The following TRAF3IP3 variants were observed in gnomAD, a reference collection of about 807,000 sequenced individuals.
TRAF3IP3 encodes the protein TRAF3-interacting JNK-activating modulator.
TRAF3IP3 carries 64 observed loss-of-function variants against 86.5 expected under a neutral mutation model. The observed-to-expected ratio is 0.74, with a 90% CI of 0.60 to 0.91. The LOEUF (loss-of-function observed/expected upper bound fraction) is 0.91. Among genes scored for constraint, TRAF3IP3 ranks in the 40% least tolerant of loss-of-function variants. TRAF3IP3 has a pLI of 0.00. For synonymous variants in TRAF3IP3, 220 were observed against 243.9 expected (o/e 0.90, Z 0.91); for missense variants, 579 against 642.9 (o/e 0.90, Z 1.07).
intron 11 of TRAF3IP3, chr1:209,775,940 T>C (rs2077645552): frequency 5.8e-6 from 3 of 518,728 alleles, no homozygotes. Context: ...GCATTGCTCA[T>C]GCAAATGAAC....
At chr1:209,767,533 T>TA (rs2077379615) in intron 8 of TRAF3IP3, among the ~76,000 whole-genome samples, 1 of 151,758 alleles carries the variant, frequency 6.6e-6, no homozygotes, top group African/African-American at 2.4e-5. Context: ...CTATTAAAAA[T>TA]AAAAAAATTA....
At chr1:209,780,790 A>T in intron 15 of TRAF3IP3, 184 bp downstream of exon 15, 1 of 422,748 alleles carries the variant, frequency 2.4e-6, no homozygotes, top group Non-Finnish European at 4.0e-6. Context: ...CCTTATTTAT[A>T]CCAACTCCTA....
At position 209,782,155 on chromosome 1, in the gene TRAF3IP3, T is replaced by C; in HGVS notation, c.*7T>C. The C allele has an allele frequency of 6.2e-7, 1 of 1,609,768 alleles. No individual in the cohort carries two copies. The highest frequency in any genetic ancestry group is 2.2e-5 in the East Asian group (1 of 44,860). On this transcript the variant is annotated 3_prime_UTR_variant, in exon 17 of 17. Transcript: ENST00000367025. ...AGACAACCTGATGATCTGAATAATT[T>C]GTGACAACTGCCTTGGGTGAAAATC...
intron 13 of TRAF3IP3, 177 bp downstream of exon 13, chr1:209,778,350 T>G: frequency 1.9e-6 from 1 of 526,772 alleles, no homozygotes; most frequent in East Asian, 3.2e-5. Flanking sequence ...ATAAATTATG[T>G]GTTAGCCTCT....
intron 8 of TRAF3IP3, among the ~76,000 whole-genome samples, chr1:209,767,690 G>A (rs895237372): frequency 2.0e-5 from 3 of 151,676 alleles, no homozygotes; most frequent in Admixed American, 6.6e-5. Context: ...AAAAAAAAGA[G>A]GGGGGAGGGT....
intron 8 of TRAF3IP3, among the ~76,000 whole-genome samples, chr1:209,767,141 G>T (rs147070833): frequency 0.013 from 1,928 of 152,210 alleles, 37 homozygotes; most frequent in African/African-American, 0.043. Flanking sequence ...GTTGAACAAG[G>T]TATCTCAAAC....
chr1:209,763,950 C>T lies in TRAF3IP3; in HGVS notation c.702+363C>T, dbSNP rs75652905. ...ATATGGGATTCCCACTGATATTTAT[C>T]GAAACCAGCATGCCATGTACCCACT... On this transcript the variant is annotated intron_variant, in intron 8 of 16. Coordinates refer to ENST00000367025, the MANE Select transcript of TRAF3IP3 (RefSeq NM_025228.4). Among the ~76,000 whole-genome samples, 965 of 152,270 alleles carry T rather than the reference C, an allele frequency of 6.3e-3. 9 individuals are homozygous for T. The highest frequency in any genetic ancestry group is 0.022 in the African/African-American group (921 of 41,544).
Position 209,775,343 on chromosome 1 carries a change from T to C in TRAF3IP3, c.775-6T>C. On this transcript the variant is annotated splice_polypyrimidine_tract_variant and splice_region_variant and intron_variant, in intron 9 of 16. Transcript: ENST00000367025. ...GTGTATTTGTTGAATTGCATCAAAT[T>C]TACAGAAATACTCCCCTTGGGGAAT... 3 of 1,607,284 alleles carry C rather than the reference T, an allele frequency of 1.9e-6. No individual in the cohort carries two copies. The East Asian group carries it at 6.7e-5, about 36-fold the overall frequency.
At chr1:209,771,800 G>A (rs536338511) in intron 8 of TRAF3IP3, among the ~76,000 whole-genome samples, 79 of 124,686 alleles carry the variant, frequency 6.3e-4, no homozygotes, top group African/African-American at 2.4e-3. Context: ...TGCATATGCA[G>A]GTGTGCGTGT....
chr1:209,772,084 T>C (rs2077555108), intron 8 of TRAF3IP3, among the ~76,000 whole-genome samples: 3 of 152,000 alleles, frequency 2.0e-5, no homozygotes, highest in Admixed American at 6.6e-5. Flanking sequence ...GGTGTGTGTG[T>C]GCATGTGGAG....
At chr1:209,779,294 G>C (rs776655964) in intron 13 of TRAF3IP3, 21 bp from the exon 14 acceptor site, 2 of 1,612,324 alleles carry the variant, frequency 1.2e-6, no homozygotes, top group East Asian at 2.2e-5. Flanking sequence ...GCATAGACAA[G>C]TTCCTTGTGT....
chr1:209,768,336 T>C (rs2077396464), intron 8 of TRAF3IP3: 1 of 985,324 alleles, frequency 1.0e-6, no homozygotes, highest in Admixed American at 6.2e-5. Flanking sequence ...CCATAGGCTC[T>C]GGGGCACTAT....
intron 1 of TRAF3IP3, chr1:209,758,617 G>A (rs1360619609): frequency 6.6e-6 from 1 of 152,232 alleles, no homozygotes; most frequent in Admixed American, 6.5e-5. Flanking sequence ...GCAAATGCCT[G>A]CTAGTTGGTG....
intron 8 of TRAF3IP3, among the ~76,000 whole-genome samples, chr1:209,771,138 AT>A (rs1677015680): frequency 9.1e-6 from 1 of 110,020 alleles, no homozygotes; most frequent in African/African-American, 3.5e-5. Context: ...GTGCATATGG[AT>A]GTGTGTGCAT....
intron 8 of TRAF3IP3, among the ~76,000 whole-genome samples, chr1:209,766,086 G>C (rs1310440098): frequency 6.6e-6 from 1 of 152,190 alleles, no homozygotes; most frequent in African/African-American, 2.4e-5. Context: ...AAGATGGCTT[G>C]AGCAGAGAAA....
chr1:209,774,001 T>C (rs2102497101), intron 9 of TRAF3IP3, among the ~76,000 whole-genome samples: 1 of 152,298 alleles, frequency 6.6e-6, no homozygotes, highest in South Asian at 2.1e-4. Context: ...CCACTCAAAT[T>C]TAAATCCAAA....
intron 8 of TRAF3IP3, among the ~76,000 whole-genome samples, chr1:209,772,210 T>C (rs188640874): frequency 3.0e-4 from 46 of 152,248 alleles, no homozygotes; most frequent in Admixed American, 1.4e-3. Flanking sequence ...AGGCTAAAAG[T>C]CTGAGATCGA....
At chr1:209,760,840 G>A (rs1354515011) in intron 3 of TRAF3IP3, among the ~76,000 whole-genome samples, 1 of 152,002 alleles carries the variant, frequency 6.6e-6, no homozygotes, top group Non-Finnish European at 1.5e-5. Flanking sequence ...AGGCAAAGAT[G>A]GGAGGATTAC....
chr1:209,762,684 C>T, intron 4 of TRAF3IP3, 22 bp downstream of exon 4: 3 of 1,577,284 alleles, frequency 1.9e-6, no homozygotes, highest in Non-Finnish European at 8.6e-7. Flanking sequence ...GCCTCCCTCA[C>T]TCCACAGGGC....
Sources: allele counts gnomAD v4.1 joint callset (sites outside exome capture counted in the v4.1 genomes callset), GRCh38; gene constraint gnomAD v4.1.1; transcripts MANE v1.5; gene names NCBI Gene and HGNC (gene_info 2026-07-23, HGNC 2026-07-21).